Variants in ABCB4 observed in about 807,000 individuals in gnomAD.
ABCB4 encodes ATP binding cassette subfamily B member 4, also known as phosphatidylcholine translocator ABCB4.
In ABCB4, 76 loss-of-function variants were observed where a neutral mutation model predicts 145.7. The ratio of observed to expected loss-of-function variants is 0.52; its 90% CI spans 0.43 to 0.63. The LOEUF is 0.63. ABCB4 is among the 30% of genes least tolerant of loss of function. The pLI, the probability that ABCB4 is intolerant of heterozygous loss-of-function variation, is 0.00. For missense variants in ABCB4, 1,234 were observed against 1,553.1 expected (o/e 0.79, Z 3.45); for synonymous variants, 517 against 566.8 (o/e 0.91, Z 1.25).
chr7:87,466,702 C>T (rs1315476471), intron 3 of ABCB4, among the ~76,000 whole-genome samples: 5 of 152,188 alleles, frequency 3.3e-5, no homozygotes, highest in South Asian at 2.1e-4. Flanking sequence ...GCTGATCTCT[C>T]GGCAGAAACT....
At chr7:87,380,886 G>A in the ABCB4 span, among the ~76,000 whole-genome samples, 1 of 152,216 alleles carries the variant, frequency 6.6e-6, no homozygotes. Flanking sequence ...GTTAGAAAAT[G>A]GGTTTGTCAG....
At chr7:87,461,253 T>G (rs1034274286) in intron 4 of ABCB4, among the ~76,000 whole-genome samples, 1 of 152,196 alleles carries the variant, frequency 6.6e-6, no homozygotes, top group Non-Finnish European at 1.5e-5. Context: ...CCCAGCCTCT[T>G]TAAAGACTTT....
the ABCB4 span, among the ~76,000 whole-genome samples, chr7:87,373,221 C>A: frequency 6.6e-6 from 1 of 152,002 alleles, no homozygotes; most frequent in African/African-American, 2.4e-5. Flanking sequence ...TGCATTTTGG[C>A]CATTTGTATA....
chr7:87,409,522 T>C lies in ABCB4; in HGVS notation c.2925-130A>G, dbSNP rs1156290491. 6 of 898,142 alleles carry C rather than the reference T, an allele frequency of 6.7e-6. No individual in the cohort carries two copies. The East Asian group carries it at 1.1e-4, about 16-fold the overall frequency. The allele number at this position is 898,142 out of a possible 1,614,324, so 55.6% of individuals were successfully genotyped here. A position where few individuals can be genotyped will look rare whatever the true frequency, so the allele number is the denominator to read the frequency against. On this transcript the variant is annotated intron_variant, in intron 23 of 27. Transcript: ENST00000649586. ...TTAATCATCCCCTTTCTCCCCGACA[T>C]ACATTTTCATAAAATTCTAGTAACA... is the stretch of plus-strand genomic sequence containing the variant.
chr7:87,420,010 T>C lies in ABCB4; in HGVS notation c.2382A>G (p.Ala794=), dbSNP rs766984672. The change falls in exon 19 of 28, where the codon GCA becomes GCG. Residue 794 remains alanine (A), a synonymous_variant. Transcript: ENST00000649586. The part of the protein sequence containing the change: ...TRRLRSMAFK[A]MLRQDMSWFD... ...CGCACACTCCTACCTGTCTTAGCAT[T>C]GCTTTAAAAGCCATTGACCGCAGTC... 4 of 1,614,104 alleles carry C rather than the reference T, an allele frequency of 2.5e-6. No individual in the cohort carries two copies. The highest frequency in any genetic ancestry group is 1.1e-5 in the South Asian group (1 of 91,084).
chr7:87,398,259 AAG>A (rs1807611998), downstream of ABCB4: 1 of 614,836 alleles, frequency 1.6e-6, no homozygotes, highest in Non-Finnish European at 3.0e-6. Flanking sequence ...TAAACGCAGT[AAG>A]ACCTAGCTTC....
At chr7:87,426,709 C>T (rs1467910468) in intron 16 of ABCB4, 41 bp downstream of exon 16, 1 of 1,591,380 alleles carries the variant, frequency 6.3e-7, no homozygotes, top group South Asian at 1.1e-5. Flanking sequence ...TGTAGCAAAA[C>T]TACAAAGTAA....
intron 3 of ABCB4, among the ~76,000 whole-genome samples, chr7:87,468,799 T>G (rs1813123576): frequency 6.6e-6 from 1 of 151,732 alleles, no homozygotes; most frequent in South Asian, 2.1e-4. Flanking sequence ...GGCGTGGTGG[T>G]GGGGACCTGT....
At chr7:87,469,806 T>C (rs1233327760) in intron 3 of ABCB4, among the ~76,000 whole-genome samples, 30 of 152,100 alleles carry the variant, frequency 2.0e-4, no homozygotes, top group Non-Finnish European at 2.8e-4. Context: ...AGGTAATTTA[T>C]AGATTCAATG....
At chr7:87,473,208 TG>T (rs1727027856) in intron 2 of ABCB4, among the ~76,000 whole-genome samples, 2 of 152,370 alleles carry the variant, frequency 1.3e-5, no homozygotes, top group South Asian at 4.1e-4. Context: ...TATTTCAAAA[TG>T]CCAAGCCATA....
At chr7:87,459,192 G>A (rs939107569) in intron 4 of ABCB4, among the ~76,000 whole-genome samples, 9 of 152,086 alleles carry the variant, frequency 5.9e-5, no homozygotes, top group Non-Finnish European at 1.3e-4. Flanking sequence ...CTATTTTTAA[G>A]TGTACAGTTC....
At chr7:87,382,445 T>TA in the ABCB4 span, 1 of 1,613,842 alleles carries the variant, frequency 6.2e-7, no homozygotes. Context: ...CTTATGCCTT[T>TA]ACATCTTTTG....
At chr7:87,392,863 T>C in the ABCB4 span, 2 of 1,609,470 alleles carry the variant, frequency 1.2e-6, no homozygotes, top group Non-Finnish European at 1.7e-6. Context: ...TCAATTGGCT[T>C]CCTCTTTTTG....
the ABCB4 span, among the ~76,000 whole-genome samples, chr7:87,394,445 T>C: frequency 6.6e-6 from 1 of 152,060 alleles, no homozygotes; most frequent in Non-Finnish European, 1.5e-5. Context: ...CAGAGAAAAG[T>C]CATGACATTA....
At position 87,408,134 on chromosome 7, in the gene ABCB4, T is replaced by C. The variant is rs1234538575; in HGVS notation, c.3182A>G (p.Lys1061Arg). 1 of 1,614,112 alleles carries C rather than the reference T, an allele frequency of 6.2e-7. No homozygotes were observed. Among genetic ancestry groups the C allele is most frequent in the Non-Finnish European group, 8.5e-7 (1 of 1,180,040 alleles). ...VLQGLSLEVK[K>R]GQTLALVGSS... ...GCCCACCAGGGCTAGTGTCTGGCCT[T>C]TCTTCACCTCCAGGCTCAGCCCCTG... Residue 1061 changes from lysine (K) to arginine (R), a missense_variant, in exon 25 of 28, where the codon AAA becomes AGA. Transcript: ENST00000649586.
intron 14 of ABCB4, among the ~76,000 whole-genome samples, chr7:87,434,420 T>C (rs900550985): frequency 1.3e-5 from 2 of 152,148 alleles, no homozygotes; most frequent in East Asian, 3.8e-4. Flanking sequence ...AGTTGCTATC[T>C]GTAGAGTCAA....
chr7:87,383,497 CTTTT>C, the ABCB4 span, among the ~76,000 whole-genome samples: 9 of 130,430 alleles, frequency 6.9e-5, no homozygotes, highest in Non-Finnish European at 1.0e-4. Flanking sequence ...ATGTATATCA[CTTTT>C]TTTTTTTTTT....
At position 87,461,878 on chromosome 7, in the gene ABCB4, A is replaced by G. The variant is rs11981839; in HGVS notation, c.286+880T>C. 3.3e-3 allele frequency among the ~76,000 whole-genome samples: 503 copies of G among 152,312 alleles called. 2 individuals carry two copies. Among genetic ancestry groups the G allele is most frequent in the African/African-American group, 0.011 (471 of 41,566 alleles). On this transcript the variant is annotated intron_variant, in intron 4 of 27. Coordinates refer to ENST00000649586, the MANE Select transcript of ABCB4 (RefSeq NM_000443.4). ...AGTGAACACTGTAAATTCTTATTCA[A>G]TGCTGTCTAAATGATAGAGTAATTT...
chr7:87,470,795 T>A (rs1366866514), intron 3 of ABCB4, among the ~76,000 whole-genome samples: 2 of 152,224 alleles, frequency 1.3e-5, no homozygotes, highest in African/African-American at 4.8e-5. Flanking sequence ...TCAACCATTG[T>A]GGAAGACAGT....
Sources: allele counts gnomAD v4.1 joint callset (sites outside exome capture counted in the v4.1 genomes callset), GRCh38; gene constraint gnomAD v4.1.1; transcripts MANE v1.5; gene names NCBI Gene and HGNC (gene_info 2026-07-23, HGNC 2026-07-21).